Variants in KLHL1 observed in about 807,000 individuals in gnomAD.
KLHL1 encodes the protein kelch like family member 1.
Under a neutral mutation model 77.7 loss-of-function variants are expected in KLHL1, and 47 were observed. The observed-to-expected ratio is 0.60, with a 90% CI of 0.48 to 0.77. The LOEUF (loss-of-function observed/expected upper bound fraction) is 0.77, where lower values mean the gene tolerates loss of function less well. Ranked by LOEUF, KLHL1 falls within the 30% of genes least tolerant of loss-of-function variation. The pLI, the probability that KLHL1 is intolerant of heterozygous loss-of-function variation, is 0.00. For synonymous variants in KLHL1, 360 were observed against 325.2 expected, an observed-to-expected ratio of 1.11 and a Z score of -1.15; for missense variants, 925 against 910.8, an observed-to-expected ratio of 1.02 and a Z score of -0.20.
intron 1 of KLHL1, among the ~76,000 whole-genome samples, chr13:70,067,542 C>T (rs565145438): frequency 6.6e-6 from 1 of 152,034 alleles, no homozygotes; most frequent in East Asian, 1.9e-4. Context: ...GGCTGTGGTT[C>T]AAATAAGGCA....
At chr13:69,784,010 A>G (rs1480742856) in intron 7 of KLHL1, among the ~76,000 whole-genome samples, 3 of 152,208 alleles carry the variant, frequency 2.0e-5, no homozygotes, top group Non-Finnish European at 2.9e-5. Flanking sequence ...ACAAGCCAGA[A>G]GAGACTGGGG....
At chr13:69,909,047 C>G (rs1054893340) in intron 4 of KLHL1, among the ~76,000 whole-genome samples, 1 of 149,010 alleles carries the variant, frequency 6.7e-6, no homozygotes, top group East Asian at 1.9e-4. Context: ...GATTATTTAC[C>G]TCATATATTT....
chr13:69,959,954 AC>A (rs1215848396), intron 3 of KLHL1, among the ~76,000 whole-genome samples: 1 of 151,954 alleles, frequency 6.6e-6, no homozygotes, highest in Non-Finnish European at 1.5e-5. Flanking sequence ...CTCTCCTAAT[AC>A]AATATCCTTG....
At chr13:70,103,574 A>G (rs1476028282) in intron 1 of KLHL1, among the ~76,000 whole-genome samples, 1 of 152,156 alleles carries the variant, frequency 6.6e-6, no homozygotes, top group African/African-American at 2.4e-5. Flanking sequence ...GAGTTGAAAG[A>G]AGATCGTAGC....
intron 1 of KLHL1, among the ~76,000 whole-genome samples, chr13:70,002,056 C>A (rs1198449800): frequency 6.6e-6 from 1 of 151,446 alleles, no homozygotes; most frequent in Non-Finnish European, 1.5e-5. Context: ...TTAAAGCAGG[C>A]TATTAGTAAA....
chr13:69,973,856 G>T (rs1216957104), intron 2 of KLHL1, among the ~76,000 whole-genome samples: 1 of 152,006 alleles, frequency 6.6e-6, no homozygotes, highest in Non-Finnish European at 1.5e-5. Context: ...GAGGTCATTA[G>T]GCTGAGACAT....
At chr13:69,811,732 G>T (rs1394356997) in intron 6 of KLHL1, among the ~76,000 whole-genome samples, 5 of 152,054 alleles carry the variant, frequency 3.3e-5, no homozygotes, top group African/African-American at 1.2e-4. Context: ...AAACCACAAA[G>T]ATTCTATCAA....
chr13:69,723,510 A>T (rs1170867859), intron 8 of KLHL1, among the ~76,000 whole-genome samples: 1 of 152,148 alleles, frequency 6.6e-6, no homozygotes. Context: ...TCACTGGTAC[A>T]TTCTCACTGT....
intron 6 of KLHL1, among the ~76,000 whole-genome samples, chr13:69,828,468 C>T (rs1348859774): frequency 2.7e-5 from 4 of 150,016 alleles, no homozygotes; most frequent in African/African-American, 5.0e-5. Flanking sequence ...GGGAAAGGAC[C>T]ACAGGGAGAA....
intron 1 of KLHL1, among the ~76,000 whole-genome samples, chr13:70,037,841 G>T (rs544213350): frequency 6.6e-6 from 1 of 151,656 alleles, no homozygotes; most frequent in Non-Finnish European, 1.5e-5. Context: ...GGGTTTTTTT[G>T]CCAATATGTG....
chr13:69,896,831 C>T (rs547767869), intron 4 of KLHL1, among the ~76,000 whole-genome samples: 1 of 151,942 alleles, frequency 6.6e-6, no homozygotes, highest in East Asian at 1.9e-4. Flanking sequence ...ACCACCTCAC[C>T]TGGCTAATTT....
At position 69,829,438 on chromosome 13, in the gene KLHL1, C is replaced by T. The variant is rs951327811; in HGVS notation, c.1414+9538G>A. ...ACTGTGCAGGACAAAATAATCTGAACGCAGCCCTTAAGCCCCAGATCTTTC... is the reference window on the plus strand; with the variant it reads ...ACTGTGCAGGACAAAATAATCTGAATGCAGCCCTTAAGCCCCAGATCTTTC... On this transcript the variant is annotated intron_variant, in intron 6 of 10. Coordinates refer to ENST00000377844, the MANE Select transcript of KLHL1 (RefSeq NM_020866.3). Among the ~76,000 whole-genome samples the T allele has an allele frequency of 4.0e-5, 6 of 150,026 alleles. 1 individual carries two copies. Among genetic ancestry groups the T allele is most frequent in the Non-Finnish European group, 4.4e-5 (3 of 67,756 alleles).
intron 7 of KLHL1, among the ~76,000 whole-genome samples, chr13:69,768,105 C>T (rs1875393190): frequency 6.6e-6 from 1 of 152,122 alleles, no homozygotes; most frequent in Non-Finnish European, 1.5e-5. Context: ...AAGATCTTCT[C>T]CTGTGGTAAT....
In KLHL1 at chr13:69,963,151, C is replaced by A. The variant is rs149838543; in HGVS notation, c.681-1707G>T. ...ATCATAGCTCATTGCAGCCTTGAAC[C>A]CCAGGGCTCAAAGTGATCTGCCTTC... On this transcript the variant is annotated intron_variant, in intron 2 of 10. Transcript: ENST00000377844. 5.3e-5 allele frequency among the ~76,000 whole-genome samples: 8 copies of A among 152,074 alleles called. No homozygotes were observed. The East Asian group carries it at 1.5e-3, about 29-fold the overall frequency.
intron 1 of KLHL1, among the ~76,000 whole-genome samples, chr13:70,060,842 G>A (rs938096585): frequency 1.5e-4 from 14 of 96,312 alleles, no homozygotes; most frequent in East Asian, 1.5e-3. Context: ...GTGAAACTTC[G>A]TCTCAAAAGA....
intron 4 of KLHL1, among the ~76,000 whole-genome samples, chr13:69,939,348 T>C (rs1213065477): frequency 4.8e-5 from 2 of 41,302 alleles, no homozygotes; most frequent in African/African-American, 2.3e-4. Flanking sequence ...TACATATATA[T>C]ATATATATAT....
intron 5 of KLHL1, among the ~76,000 whole-genome samples, chr13:69,876,500 A>C (rs1341461487): frequency 6.6e-6 from 1 of 152,220 alleles, no homozygotes; most frequent in Non-Finnish European, 1.5e-5. Context: ...CTAAAGTTAA[A>C]TACTTGAATG....
At chr13:69,883,037 C>A (rs995833668) in intron 4 of KLHL1, among the ~76,000 whole-genome samples, 1 of 152,080 alleles carries the variant, frequency 6.6e-6, no homozygotes, top group African/African-American at 2.4e-5. Flanking sequence ...ATGACAATTT[C>A]TTTGGCTTAA....
chr13:70,000,953 G>T (rs984382902), intron 1 of KLHL1, among the ~76,000 whole-genome samples: 2 of 149,612 alleles, frequency 1.3e-5, no homozygotes, highest in Non-Finnish European at 1.5e-5. Flanking sequence ...ATAGATGCCA[G>T]AATATTAATA....
Sources: gnomAD v4.1 joint callset for allele counts (sites outside exome capture counted in the v4.1 genomes callset) on GRCh38, gnomAD v4.1.1 for gene constraint, MANE v1.5 for transcripts, NCBI Gene and HGNC (gene_info 2026-07-23, HGNC 2026-07-21) for gene names.